Variants in BRD10 observed in about 807,000 individuals in gnomAD.
BRD10 encodes uncharacterized bromodomain-containing protein 10.
the BRD10 span, among the ~76,000 whole-genome samples, chr9:5,896,343 T>A: frequency 3.3e-5 from 5 of 152,200 alleles, no homozygotes; most frequent in Non-Finnish European, 5.9e-5. Context: ...TTGATGAATC[T>A]TCATAGGTCT....
the BRD10 span, among the ~76,000 whole-genome samples, chr9:5,927,961 T>C: frequency 6.6e-6 from 1 of 152,318 alleles, no homozygotes; most frequent in East Asian, 1.9e-4. Context: ...ACTCCTATAC[T>C]GAACTGCTTA....
chr9:5,917,578 A>T, the BRD10 span, among the ~76,000 whole-genome samples: 1 of 152,240 alleles, frequency 6.6e-6, no homozygotes, highest in Non-Finnish European at 1.5e-5. Flanking sequence ...TCACACCTAT[A>T]ATCCCAGCAC....
At chr9:5,886,836 G>A in the BRD10 span, among the ~76,000 whole-genome samples, 89 of 152,334 alleles carry the variant, frequency 5.8e-4, no homozygotes, top group Non-Finnish European at 1.1e-3. Flanking sequence ...CCTATTTGAA[G>A]AAGCGATCGC....
chr9:5,931,696 A>T, the BRD10 span, among the ~76,000 whole-genome samples: 2 of 152,184 alleles, frequency 1.3e-5, no homozygotes, highest in African/African-American at 4.8e-5. Flanking sequence ...TATATTTCGA[A>T]AACAAACCCA....
At chr9:5,966,455 C>CTTTTTTTTTTTTTTTTTTTTTTTTTTT in the BRD10 span, among the ~76,000 whole-genome samples, 1 of 83,750 alleles carries the variant, frequency 1.2e-5, no homozygotes, top group Non-Finnish European at 2.1e-5. Flanking sequence ...CTAACATTTC[C>CTTTTTTTTTTTTTTTTTTTTTTTTTTT]TTTTTTTTTT....
At chr9:5,955,688 GA>G in the BRD10 span, among the ~76,000 whole-genome samples, 2 of 148,860 alleles carry the variant, frequency 1.3e-5, no homozygotes, top group Admixed American at 1.3e-4. Context: ...AATAAGTATT[GA>G]CGGGTATCAT....
the BRD10 span, chr9:5,923,188 T>C: frequency 1.9e-6 from 3 of 1,614,036 alleles, no homozygotes; most frequent in Non-Finnish European, 2.5e-6. Flanking sequence ...CATAATCAGT[T>C]TGTTTGGACT....
chr9:5,919,595 T>C, the BRD10 span: 6 of 712,266 alleles, frequency 8.4e-6, no homozygotes, highest in East Asian at 2.0e-4. Flanking sequence ...ATGTATAGTA[T>C]GCTTTCAACA....
chr9:5,997,164 G>C, the BRD10 span, among the ~76,000 whole-genome samples: 4 of 152,302 alleles, frequency 2.6e-5, no homozygotes, highest in South Asian at 8.3e-4. Flanking sequence ...GAGATATAGG[G>C]ACTTGGCAAG....
the BRD10 span, among the ~76,000 whole-genome samples, chr9:5,984,478 T>C: frequency 1.3e-5 from 2 of 151,920 alleles, no homozygotes; most frequent in Non-Finnish European, 2.9e-5. Context: ...AGGCCAACAC[T>C]GGAGATAAAA....
At chr9:5,943,688 C>T in the BRD10 span, among the ~76,000 whole-genome samples, 10 of 151,930 alleles carry the variant, frequency 6.6e-5, no homozygotes, top group Admixed American at 5.2e-4. Flanking sequence ...AAAGTGTATA[C>T]GTATAAAAAT....
chr9:5,994,681 T>C, the BRD10 span, among the ~76,000 whole-genome samples: 2 of 152,298 alleles, frequency 1.3e-5, no homozygotes, highest in Non-Finnish European at 2.9e-5. Flanking sequence ...ACCAATTATA[T>C]TTCTGTCTCA....
chr9:5,930,954 C>T, the BRD10 span, among the ~76,000 whole-genome samples: 1 of 152,178 alleles, frequency 6.6e-6, no homozygotes, highest in South Asian at 2.1e-4. Context: ...AACATTCTTC[C>T]ACTTCTCAAC....
chr9:5,965,822 A>G, the BRD10 span, among the ~76,000 whole-genome samples: 5 of 152,230 alleles, frequency 3.3e-5, no homozygotes, highest in African/African-American at 4.8e-5. Context: ...TATGCCCCGA[A>G]CTGACTATGA....
At chr9:5,916,220 T>C in the BRD10 span, among the ~76,000 whole-genome samples, 1,601 of 152,296 alleles carry the variant, frequency 0.011, 25 homozygotes, top group African/African-American at 0.03. Flanking sequence ...ATTTCTAAGT[T>C]TTAGTAACTT....
the BRD10 span, among the ~76,000 whole-genome samples, chr9:5,962,334 T>C: frequency 9.1e-6 from 1 of 109,750 alleles, no homozygotes; most frequent in Non-Finnish European, 1.9e-5. Context: ...CCTCGACACA[T>C]ACACTCTCCC....
the BRD10 span, chr9:5,923,385 A>G: frequency 8.8e-7 from 1 of 1,141,978 alleles, no homozygotes; most frequent in Non-Finnish European, 1.2e-6. Context: ...TGTAAAAAAG[A>G]AAGTCAATCT....
the BRD10 span, among the ~76,000 whole-genome samples, chr9:5,981,849 A>G: frequency 6.6e-6 from 1 of 152,220 alleles, no homozygotes; most frequent in Non-Finnish European, 1.5e-5. Flanking sequence ...AAAACAGTTC[A>G]ACATGAATAA....
the BRD10 span, among the ~76,000 whole-genome samples, chr9:5,911,310 C>T: frequency 6.6e-6 from 1 of 151,406 alleles, no homozygotes; most frequent in South Asian, 2.1e-4. Flanking sequence ...GTCCTTTTCC[C>T]AATGTATGTT....
Sources: allele counts gnomAD v4.1 joint callset (sites outside exome capture counted in the v4.1 genomes callset), GRCh38; gene constraint gnomAD v4.1.1; transcripts MANE v1.5; gene names NCBI Gene and HGNC (gene_info 2026-07-23, HGNC 2026-07-21).